RDH11: variants seen among roughly 807,000 people sequenced by gnomAD.
RDH11 encodes the protein HCV core-binding protein HCBP12.
A neutral mutation model predicts 33.4 loss-of-function variants in RDH11; 19 were observed. That is an observed-to-expected ratio of 0.57 (90% CI 0.40 to 0.83). RDH11 has a LOEUF of 0.83. Ranked by LOEUF, RDH11 falls within the 40% of genes least tolerant of loss-of-function variation. RDH11 has a pLI of 0.00. For synonymous variants in RDH11, 154 were observed against 155.3 expected, an observed-to-expected ratio of 0.99 and a Z score of 0.06; for missense variants, 353 against 389.0, an observed-to-expected ratio of 0.91 and a Z score of 0.78.
chr14:67,693,074 T>C (rs776852701), intron 1 of RDH11, 22 bp from the exon 2 acceptor site: 2 of 1,538,660 alleles, frequency 1.3e-6, no homozygotes, highest in Non-Finnish European at 9.0e-7. Flanking sequence ...GAAGGAGAGC[T>C]CATCAATTCT....
In RDH11 at chr14:67,677,439, CT is replaced by C; in HGVS notation, c.*881del. The C allele has an allele frequency of 7.9e-6, 1 of 126,902 alleles. No individual in the cohort carries two copies. The highest frequency in any genetic ancestry group is 1.6e-5 in the Non-Finnish European group (1 of 63,432). The allele number at this position is 126,902 out of a possible 1,614,324, so 7.9% of individuals were successfully genotyped here. A position where few individuals can be genotyped will look rare whatever the true frequency, so the allele number is the denominator to read the frequency against. On this transcript the variant is annotated 3_prime_UTR_variant, in exon 7 of 7. Transcript: ENST00000381346. ...ACCTCATCAGTCCTGGGTGCTTGCC[CT>C]CAATTCCTCCATAGCTATGTTAGCA...
At chr14:67,692,640 C>T in intron 2 of RDH11, 47 bp from the exon 3 acceptor site, 1 of 1,509,230 alleles carries the variant, frequency 6.6e-7, no homozygotes, top group Non-Finnish European at 8.8e-7. Flanking sequence ...TGTTTTTGAG[C>T]TGGCATTATA....
At chr14:67,689,944 C>CA (rs112188719) in intron 5 of RDH11, 34,418 of 291,472 alleles carry the variant, frequency 0.12, 1 homozygote, top group South Asian at 0.19. Context: ...GATCCCGTCT[C>CA]AAAAAAAAAA....
intron 3 of RDH11, 121 bp downstream of exon 3, chr14:67,692,317 A>G: frequency 2.0e-6 from 2 of 988,048 alleles, no homozygotes; most frequent in Non-Finnish European, 3.0e-6. Flanking sequence ...GTTCAGCTAC[A>G]GAAGTTTTTG....
chr14:67,683,457 C>A (rs2037639017), intron 6 of RDH11, among the ~76,000 whole-genome samples: 1 of 152,152 alleles, frequency 6.6e-6, no homozygotes, highest in Admixed American at 6.5e-5. Context: ...TGTACAGAGC[C>A]AGGTTTGTTA....
In RDH11 at chr14:67,685,168, G is replaced by C; in HGVS notation, c.701C>G (p.Thr234Arg). Residue 234 changes from threonine (T) to arginine (R), a missense_variant, in exon 6 of 7, where the codon ACA (threonine) becomes AGA (arginine). Coordinates refer to ENST00000381346, the MANE Select transcript of RDH11 (RefSeq NM_016026.4). ...GVTTYSVHPG[T>R]VQSELVRHSS... ...GTGCCGAACCAGTTCAGATTGGACT[G>C]TGCCAGGGTGTACAGAATACGTCGT... is the stretch of plus-strand genomic sequence containing the variant. The C allele has an allele frequency of 6.2e-7, 1 of 1,614,144 alleles. No homozygotes were observed. The highest frequency in any genetic ancestry group is 8.5e-7 in the Non-Finnish European group (1 of 1,180,026).
intron 6 of RDH11, among the ~76,000 whole-genome samples, chr14:67,680,996 A>T (rs895639972): frequency 1.3e-5 from 2 of 152,242 alleles, no homozygotes; most frequent in African/African-American, 4.8e-5. Flanking sequence ...TGACAAGCTT[A>T]CTGTTATACT....
At chr14:67,690,980 G>C in intron 4 of RDH11, 160 bp downstream of exon 4, 1 of 639,734 alleles carries the variant, frequency 1.6e-6, no homozygotes, top group Non-Finnish European at 2.8e-6. Flanking sequence ...GCAGCCCTCA[G>C]GTATTCCTCA....
rs17853736 is a variant in RDH11, at chr14:67,691,186, C to T, written c.408G>A (p.Ser136=). Residue 136 remains serine (S), a synonymous_variant, in exon 4 of 7, where the codon TCG becomes TCA. Coordinates refer to ENST00000381346, the MANE Select transcript of RDH11 (RefSeq NM_016026.4). Reference sequence around the variant, plus strand: ...GCATCTCAAAGCCATCTGCTGTCTTCGAGTACGGACACATCATCACTCCTG... The same window carrying T: ...GCATCTCAAAGCCATCTGCTGTCTTTGAGTACGGACACATCATCACTCCTG... ...NNAGVMMCPY[S]KTADGFEMHI... is the part of the protein sequence containing the mutation. The T allele has an allele frequency of 8.1e-6, 13 of 1,613,944 alleles. No homozygotes were observed. The highest frequency in any genetic ancestry group is 6.7e-5 in the Admixed American group (4 of 60,010).
At chr14:67,678,958 T>C (rs2037578101) in intron 6 of RDH11, among the ~76,000 whole-genome samples, 1 of 152,018 alleles carries the variant, frequency 6.6e-6, no homozygotes, top group Non-Finnish European at 1.5e-5. Context: ...AGAAAAGAAA[T>C]GGTAAAACCA....
rs144995720 is a variant in RDH11 at position 67,694,431 on chromosome 14, A to AATAT, written c.74+1195_74+1198dup. 6.2e-3 allele frequency among the ~76,000 whole-genome samples: 865 copies of AATAT among 140,098 alleles called. 12 individuals carry two copies. The highest frequency in any genetic ancestry group is 0.045 in the East Asian group (221 of 4,870). 91.9% of individuals were successfully genotyped at this position (140,098 alleles called of 152,430 possible). A position where few individuals can be genotyped will look rare whatever the true frequency, so the allele number is the denominator to read the frequency against. On this transcript the variant is annotated intron_variant, in intron 1 of 6. Transcript: ENST00000381346. ...GCTGAGTTGGGAATACAGCTCCTGGAATATATATATATATATATATACACA... is the reference window on the plus strand; with the variant it reads ...GCTGAGTTGGGAATACAGCTCCTGGAATATATATATATATATATATATATACACA...
intron 6 of RDH11, among the ~76,000 whole-genome samples, chr14:67,680,376 C>A: frequency 6.6e-6 from 1 of 152,166 alleles, no homozygotes; most frequent in East Asian, 1.9e-4. Flanking sequence ...GCCTTATACT[C>A]TTCATAAGGT....
At chr14:67,693,653 T>C (rs1208481294) in intron 1 of RDH11, among the ~76,000 whole-genome samples, 6 of 146,864 alleles carry the variant, frequency 4.1e-5, no homozygotes, top group Admixed American at 1.4e-4. Flanking sequence ...CTCTTTCTCT[T>C]TTTTTTTTTT....
chr14:67,685,050 T>C lies in RDH11; in HGVS notation c.819A>G (p.Thr273=). 6.2e-7 allele frequency: 1 copy of C among 1,612,380 alleles called. No homozygotes were observed. Among genetic ancestry groups the C allele is most frequent in the East Asian group, 2.2e-5 (1 of 44,880 alleles). The change falls in exon 6 of 7, where the codon ACA becomes ACG. Residue 273 remains threonine (T), a synonymous_variant. Coordinates refer to ENST00000381346, the MANE Select transcript of RDH11 (RefSeq NM_016026.4). ...TCCCACTTAGAATCTCAAGACCTTC[T>C]GTTAAGGCACAGTGCAGGCTGGTCT... ...GAQTSLHCAL[T]EGLEILSGNH...
At chr14:67,691,433 G>T in intron 3 of RDH11, 189 bp from the exon 4 acceptor site, 1 of 532,362 alleles carries the variant, frequency 1.9e-6, no homozygotes, top group Non-Finnish European at 3.3e-6. Context: ...CTTTTACTAT[G>T]GGGCAGAATT....
At chr14:67,687,220 C>T (rs1187375143) in intron 5 of RDH11, among the ~76,000 whole-genome samples, 1 of 152,214 alleles carries the variant, frequency 6.6e-6, no homozygotes, top group African/African-American at 2.4e-5. Flanking sequence ...GCTGCAACCC[C>T]TCTTGCCCCC....
chr14:67,694,891 T>C (rs2037809366), intron 1 of RDH11, among the ~76,000 whole-genome samples: 1 of 152,130 alleles, frequency 6.6e-6, no homozygotes, highest in South Asian at 2.1e-4. Flanking sequence ...TCACCACTGG[T>C]GATTTACTTA....
At chr14:67,678,544 G>T in intron 6 of RDH11, 121 bp from the exon 7 acceptor site, 1 of 630,948 alleles carries the variant, frequency 1.6e-6, no homozygotes, top group Non-Finnish European at 2.8e-6. Flanking sequence ...TACTTCACAG[G>T]GCCAGTGTTT....
rs531222200 is a variant in RDH11 at position 67,690,838 on chromosome 14, C to T, written c.454+302G>A. On this transcript the variant is annotated intron_variant, in intron 4 of 6. Transcript: ENST00000381346. ...TCTTTACAAAAAAAGAGCAGATGAC[C>T]TATACCTGATGCTGGCCACAAGGAT... 7.4e-6 allele frequency: 3 copies of T among 405,082 alleles called. No individual in the cohort carries two copies. The South Asian group carries it at 9.4e-5, about 13-fold the overall frequency. 25.1% of individuals were successfully genotyped at this position (405,082 alleles called of 1,614,324 possible).
Sources: allele counts gnomAD v4.1 joint callset (sites outside exome capture counted in the v4.1 genomes callset), GRCh38; gene constraint gnomAD v4.1.1; transcripts MANE v1.5; gene names NCBI Gene and HGNC (gene_info 2026-07-23, HGNC 2026-07-21).